Variants in EPB41L1 observed in about 807,000 individuals in gnomAD.
EPB41L1 encodes the protein erythrocyte membrane protein band 4.1 like 1, also known as band 4.1-like protein 1.
A neutral mutation model predicts 97.8 loss-of-function variants in EPB41L1; 29 were observed. The observed-to-expected ratio is 0.30, with a 90% CI of 0.22 to 0.40. The LOEUF (loss-of-function observed/expected upper bound fraction) is 0.40, where lower values mean the gene tolerates loss of function less well. Ranked by LOEUF, EPB41L1 falls within the 10% of genes least tolerant of loss-of-function variation. EPB41L1 has a pLI of 1.00. For synonymous variants in EPB41L1, 383 were observed against 459.2 expected (o/e 0.83, Z 2.12); for missense variants, 812 against 1,162.3 (o/e 0.70, Z 4.38).
intron 1 of EPB41L1, among the ~76,000 whole-genome samples, chr20:36,094,477 A>G (rs1369934335): frequency 6.6e-6 from 1 of 152,140 alleles, no homozygotes; most frequent in African/African-American, 2.4e-5. Flanking sequence ...GGAGGAAGAA[A>G]TTGTTCAGAG....
chr20:36,198,131 A>C, intron 14 of EPB41L1, 90 bp downstream of exon 14: 11 of 1,171,728 alleles, frequency 9.4e-6, no homozygotes, highest in Non-Finnish European at 1.4e-5. Flanking sequence ...CTCCACACCA[A>C]TATGCTTCCC....
At chr20:36,097,375 G>C (rs1239768603) in intron 1 of EPB41L1, among the ~76,000 whole-genome samples, 1 of 152,172 alleles carries the variant, frequency 6.6e-6, no homozygotes, top group African/African-American at 2.4e-5. Flanking sequence ...ACCAGTACTA[G>C]TATCTGTTTC....
intron 15 of EPB41L1, among the ~76,000 whole-genome samples, chr20:36,211,254 G>A (rs1235642140): frequency 6.6e-6 from 1 of 151,938 alleles, no homozygotes. Flanking sequence ...GGGCGTGGTG[G>A]CACCCACCTG....
Position 36,123,180 on chromosome 20 carries a change from G to C in EPB41L1, c.-10+10700G>C, listed in dbSNP as rs563401031. 1.5e-4 allele frequency among the ~76,000 whole-genome samples: 23 copies of C among 152,134 alleles called. No individual in the cohort carries two copies. The South Asian group carries it at 4.6e-3, about 30-fold the overall frequency. On this transcript the variant is annotated intron_variant, in intron 2 of 19. Transcript: ENST00000202028. ...TCTGAACGTCTCCATGATCGGGGGG[G>C]AGGGGCAGAGGTAGAGAACAAGAAT...
At chr20:36,177,100 T>G (rs552891511) in intron 3 of EPB41L1, among the ~76,000 whole-genome samples, 1 of 152,334 alleles carries the variant, frequency 6.6e-6, no homozygotes, top group South Asian at 2.1e-4. Context: ...CTCTCTCTGA[T>G]GATCTCCAGG....
chr20:36,174,499 C>T lies in EPB41L1; in HGVS notation c.177+545C>T, dbSNP rs147757060. Among the ~76,000 whole-genome samples the T allele has an allele frequency of 7.2e-3, 1,103 of 152,224 alleles. 14 individuals are homozygous for T. Among genetic ancestry groups the T allele is most frequent in the African/African-American group, 0.025 (1,053 of 41,520 alleles). On this transcript the variant is annotated intron_variant, in intron 2 of 21. Transcript: ENST00000338074. Reference sequence around the variant, plus strand: ...TATTGGCCAGGCTGGTCTCAAACTCCTGAGCTCAGGTGATCCACCTGCCTT... The same window carrying T: ...TATTGGCCAGGCTGGTCTCAAACTCTTGAGCTCAGGTGATCCACCTGCCTT...
chr20:36,218,781 C>A, intron 17 of EPB41L1, 95 bp from the exon 18 acceptor site: 1 of 1,105,182 alleles, frequency 9.0e-7, no homozygotes, highest in Non-Finnish European at 1.4e-6. Flanking sequence ...TCTACTCAAC[C>A]TTGTGGTCGT....
intron 2 of EPB41L1, among the ~76,000 whole-genome samples, chr20:36,118,979 A>G (rs747649654): frequency 6.6e-6 from 1 of 152,218 alleles, no homozygotes; most frequent in African/African-American, 2.4e-5. Flanking sequence ...ATAAGTTTTT[A>G]TGCTATCTTC....
chr20:36,187,022 CAATAAT>C (rs2061712277), intron 7 of EPB41L1, among the ~76,000 whole-genome samples: 1 of 152,012 alleles, frequency 6.6e-6, no homozygotes, highest in Non-Finnish European at 1.5e-5. Flanking sequence ...TGTAAAATGA[CAATAAT>C]AATAATACCT....
intron 19 of EPB41L1, among the ~76,000 whole-genome samples, chr20:36,221,508 A>G (rs570016504): frequency 2.0e-5 from 3 of 152,310 alleles, no homozygotes; most frequent in South Asian, 4.2e-4. Flanking sequence ...ACAGACATAC[A>G]TAAGGTCGGC....
At chr20:36,182,205 G>T in intron 5 of EPB41L1, 67 bp from the exon 6 acceptor site, 1 of 1,421,672 alleles carries the variant, frequency 7.0e-7, no homozygotes, top group Non-Finnish European at 1.0e-6. Context: ...CTGCCCAGAG[G>T]ATGGTGCATC....
At chr20:36,150,325 C>G (rs376045527), upstream of EPB41L1, 1 of 152,306 alleles carries the variant, frequency 6.6e-6, no homozygotes, top group Admixed American at 6.5e-5. Flanking sequence ...CCCACCTCGG[C>G]CTCCCAAAGT....
chr20:36,156,922 C>G (rs1403105956), intron 1 of EPB41L1, among the ~76,000 whole-genome samples: 2 of 152,126 alleles, frequency 1.3e-5, no homozygotes, highest in Non-Finnish European at 2.9e-5. Context: ...GCTTCTCTGT[C>G]CCATTTGTTA....
At chr20:36,194,540 GGTGGGCATGGGA>G (rs1198690833) in intron 12 of EPB41L1, among the ~76,000 whole-genome samples, 180 bp downstream of exon 12, 1 of 152,198 alleles carries the variant, frequency 6.6e-6, no homozygotes, top group Admixed American at 6.5e-5. Flanking sequence ...GCCGGGATGG[GGTGGGCATGGGA>G]GTGGGCATGC....
In EPB41L1 at chr20:36,212,452, A is replaced by AGGGGTTTGGCC; in HGVS notation, c.2184+76_2184+77insGGGGTTTGGCC. The AGGGGTTTGGCC allele has an allele frequency of 1.6e-6, 2 of 1,259,290 alleles. No individual in the cohort carries two copies. Among genetic ancestry groups the AGGGGTTTGGCC allele is most frequent in the Non-Finnish European group, 2.3e-6 (2 of 864,926 alleles). 78.0% of individuals were successfully genotyped at this position (1,259,290 alleles called of 1,614,324 possible). ...GGTAGGGTCCCCACTGCTGTGGCCA[A>AGGGGTTTGGCC]ACCCCTTGGCCAGCTCTTTTAATCT... is the stretch of plus-strand genomic sequence containing the variant. On this transcript the variant is annotated intron_variant, in intron 16 of 21. Coordinates refer to ENST00000338074, the MANE Select transcript of EPB41L1 (RefSeq NM_012156.2). This position sits in a 1 kb window ranked among gnomAD's most constrained non-coding sequence, Gnocchi z 4.8.
In EPB41L1 at chr20:36,092,651, C is replaced by G. The variant is rs1210336925; in HGVS notation, c.-65+1039C>G. ...GGCGAGAGGGGGTGTGGGGGGCGGG[C>G]GAGGAGGGGGCTGAGCGCCGTGGGA... On this transcript the variant is annotated intron_variant, in intron 1 of 19. Coordinates refer to the EPB41L1 transcript ENST00000202028. The surrounding 1 kb of genome is among the most constrained non-coding windows in gnomAD (Gnocchi z 7.0). The G allele has an allele frequency of 6.6e-6, 1 of 151,414 alleles. No individual in the cohort carries two copies. Among genetic ancestry groups the G allele is most frequent in the Non-Finnish European group, 1.5e-5 (1 of 67,806 alleles). 9.4% of individuals were successfully genotyped at this position (151,414 alleles called of 1,614,324 possible). A position where few individuals can be genotyped will look rare whatever the true frequency, so the allele number is the denominator to read the frequency against.
In EPB41L1 at chr20:36,206,671, A is replaced by T; in HGVS notation, c.1669-2817A>T. 4 of 1,289,786 alleles carry T rather than the reference A, an allele frequency of 3.1e-6. No individual in the cohort carries two copies. The highest frequency in any genetic ancestry group is 4.0e-6 in the Non-Finnish European group (4 of 988,878). 79.9% of individuals were successfully genotyped at this position (1,289,786 alleles called of 1,614,324 possible). ...GACTTCCCCAAAGGAAGGGGCAGGG[A>T]CCCCCAAGAACCATGGAGGACCTGG... On this transcript the variant is annotated intron_variant, in intron 14 of 21. Coordinates refer to ENST00000338074, the MANE Select transcript of EPB41L1 (RefSeq NM_012156.2). This position sits in a 1 kb window ranked among gnomAD's most constrained non-coding sequence, Gnocchi z 5.5.
At chr20:36,136,512 C>G (rs1036971458) in intron 2 of EPB41L1, among the ~76,000 whole-genome samples, 2 of 151,856 alleles carry the variant, frequency 1.3e-5, no homozygotes, top group Non-Finnish European at 2.9e-5. Flanking sequence ...GTGTACACTT[C>G]AGTAGTGTTG....
chr20:36,211,373 T>G (rs1489724802), intron 15 of EPB41L1, among the ~76,000 whole-genome samples: 1 of 151,710 alleles, frequency 6.6e-6, no homozygotes, highest in Non-Finnish European at 1.5e-5. Flanking sequence ...GGAACGAGAT[T>G]CCATCTCAAA....
Sources: gnomAD v4.1 joint callset for allele counts (sites outside exome capture counted in the v4.1 genomes callset) on GRCh38, gnomAD v4.1.1 for gene constraint, Gnocchi (gnomAD v3.1) non-coding constraint, MANE v1.5 for transcripts, NCBI Gene and HGNC (gene_info 2026-07-23, HGNC 2026-07-21) for gene names.